Variants in HERPUD2 observed in about 807,000 individuals in gnomAD.
HERPUD2 encodes homocysteine-responsive endoplasmic reticulum-resident ubiquitin-like domain member 2 protein.
In HERPUD2, 13 loss-of-function variants were observed where a neutral mutation model predicts 49.9. That is an observed-to-expected ratio of 0.26 (90% CI 0.17 to 0.41). HERPUD2 has a LOEUF of 0.41. Ranked by LOEUF, HERPUD2 falls within the 10% of genes least tolerant of loss-of-function variation. HERPUD2 has a pLI of 1.00. For missense variants in HERPUD2, 449 were observed against 492.2 expected (o/e 0.91, Z 0.83); for synonymous variants, 172 against 171.4 (o/e 1.00, Z -0.03).
intron 7 of HERPUD2, 113 bp downstream of exon 7, chr7:35,635,022 A>G (rs1328125572): frequency 1.4e-6 from 1 of 719,298 alleles, no homozygotes; most frequent in Non-Finnish European, 2.2e-6. Flanking sequence ...AGATATCTAA[A>G]GCCCAGCATT....
At chr7:35,658,234 A>T (rs988789304) in intron 5 of HERPUD2, among the ~76,000 whole-genome samples, 3 of 152,160 alleles carry the variant, frequency 2.0e-5, no homozygotes, top group African/African-American at 7.2e-5. Context: ...GCCAGAAAAA[A>T]CACATATTTC....
At position 35,668,676 on chromosome 7, in the gene HERPUD2, A is replaced by C. The variant is rs1204889060; in HGVS notation, c.340-1088T>G. 1.9e-5 allele frequency: 3 copies of C among 154,562 alleles called. No homozygotes were observed. The East Asian group carries it at 5.8e-4, about 30-fold the overall frequency. 9.6% of individuals were successfully genotyped at this position (154,562 alleles called of 1,614,324 possible). A position where few individuals can be genotyped will look rare whatever the true frequency, so the allele number is the denominator to read the frequency against. On this transcript the variant is annotated intron_variant, in intron 4 of 8. Coordinates refer to ENST00000311350, the MANE Select transcript of HERPUD2 (RefSeq NM_022373.5). ...TTTGCAAGACTAACAAAAACTTTTA[A>C]AATGTTACTTCACACACAATAGATA...
chr7:35,638,329 A>G, intron 6 of HERPUD2, 21 bp downstream of exon 6: 2 of 1,566,174 alleles, frequency 1.3e-6, no homozygotes, highest in East Asian at 4.5e-5. Flanking sequence ...TAACTTAAAA[A>G]ATGAACTCAG....
intron 4 of HERPUD2, among the ~76,000 whole-genome samples, chr7:35,668,769 G>C (rs1427430350): frequency 2.0e-5 from 3 of 152,052 alleles, no homozygotes; most frequent in Non-Finnish European, 4.4e-5. Context: ...TTTTCAGCAA[G>C]ATTTCTCATT....
rs910708511 is a variant in HERPUD2, at chr7:35,633,209, G to C, written c.*481C>G. The C allele has an allele frequency of 3.0e-4, 46 of 152,074 alleles. No individual in the cohort carries two copies. The highest frequency in any genetic ancestry group is 1.1e-3 in the African/African-American group (44 of 41,354). 9.4% of individuals were successfully genotyped at this position (152,074 alleles called of 1,614,324 possible). ...AGCCCCCCAAGTAGCTGGGATTACA[G>C]GCGCGTGACACCACACCCGGCTAAT... On this transcript the variant is annotated 3_prime_UTR_variant, in exon 9 of 9. Transcript: ENST00000311350.
intron 2 of HERPUD2, among the ~76,000 whole-genome samples, chr7:35,674,070 T>C (rs1785698054): frequency 1.3e-5 from 2 of 152,104 alleles, no homozygotes; most frequent in Admixed American, 6.6e-5. Flanking sequence ...TCAGTAATTG[T>C]TAAATATGCC....
intron 2 of HERPUD2, among the ~76,000 whole-genome samples, chr7:35,677,471 A>G (rs1562684094): frequency 6.6e-6 from 1 of 152,154 alleles, no homozygotes; most frequent in Non-Finnish European, 1.5e-5. Flanking sequence ...CAATAAGGAG[A>G]TCATTAATGA....
chr7:35,656,396 T>C lies in HERPUD2; in HGVS notation c.494+11038A>G, dbSNP rs529299027. The stretch of plus-strand genomic sequence containing the variant: ...AGAGCTCATATCATTAAAATTACCA[T>C]ATTACCCAAAGCAATCTATAAATTC... On this transcript the variant is annotated intron_variant, in intron 5 of 8. Transcript: ENST00000311350. Among the ~76,000 whole-genome samples the C allele has an allele frequency of 5.3e-5, 8 of 152,172 alleles. No homozygotes were observed. The South Asian group carries it at 1.7e-3, about 32-fold the overall frequency.
intron 5 of HERPUD2, among the ~76,000 whole-genome samples, chr7:35,651,814 A>T (rs1261867302): frequency 1.3e-5 from 1 of 76,238 alleles, no homozygotes; most frequent in Non-Finnish European, 3.9e-5. Flanking sequence ...AAACAATATA[A>T]AAAAAAATCT....
chr7:35,642,059 T>C (rs1483599206), intron 5 of HERPUD2, among the ~76,000 whole-genome samples: 1 of 152,140 alleles, frequency 6.6e-6, no homozygotes, highest in Non-Finnish European at 1.5e-5. Context: ...ATTTGCAAAC[T>C]ATACATCAGA....
rs1785912185 is a variant in HERPUD2, at chr7:35,682,263, AT to A, written c.148-8986del. 1.3e-4 allele frequency among the ~76,000 whole-genome samples: 5 copies of A among 37,388 alleles called. 2 individuals are homozygous for A. Among genetic ancestry groups the A allele is most frequent in the African/African-American group, 2.9e-4 (3 of 10,412 alleles). The allele number at this position is 37,388 out of a possible 152,430, so 24.5% of individuals were successfully genotyped here. A position where few individuals can be genotyped will look rare whatever the true frequency, so the allele number is the denominator to read the frequency against. ...TACACATACACACGTGTGTGTGTGT[AT>A]ATATAGATATATACACATACACACG... On this transcript the variant is annotated intron_variant, in intron 2 of 8. Transcript: ENST00000311350.
chr7:35,648,801 G>T (rs1190358026), intron 5 of HERPUD2, among the ~76,000 whole-genome samples: 1 of 152,178 alleles, frequency 6.6e-6, no homozygotes, highest in Non-Finnish European at 1.5e-5. Context: ...CTGCACCAGT[G>T]ACTAAAAGAT....
intron 6 of HERPUD2, among the ~76,000 whole-genome samples, chr7:35,637,315 A>G (rs1168478345): frequency 6.6e-6 from 1 of 152,184 alleles, no homozygotes; most frequent in Non-Finnish European, 1.5e-5. Flanking sequence ...TGGGTGAAAC[A>G]TTGGAGGTAG....
intron 2 of HERPUD2, among the ~76,000 whole-genome samples, chr7:35,687,560 G>A (rs901909008): frequency 6.6e-6 from 1 of 152,214 alleles, no homozygotes; most frequent in African/African-American, 2.4e-5. Flanking sequence ...TGCTTAACTA[G>A]CTGGCCGAGA....
Position 35,694,617 on chromosome 7 carries a change from G to T in HERPUD2, c.-287C>A. ...TCCGGACTGTGGAGGCCGTCGTGAG[G>T]AGAAAGGAAGCTATACGAAGGAAGG... On this transcript the variant is annotated 5_prime_UTR_variant, in exon 2 of 9. Coordinates refer to ENST00000311350, the MANE Select transcript of HERPUD2 (RefSeq NM_022373.5). 4.7e-6 allele frequency: 2 copies of T among 429,590 alleles called. No homozygotes were observed. Among genetic ancestry groups the T allele is most frequent in the Non-Finnish European group, 8.6e-6 (2 of 231,914 alleles). 26.6% of individuals were successfully genotyped at this position (429,590 alleles called of 1,614,324 possible). A position where few individuals can be genotyped will look rare whatever the true frequency, so the allele number is the denominator to read the frequency against.
intron 2 of HERPUD2, among the ~76,000 whole-genome samples, chr7:35,678,009 G>C (rs141810990): frequency 2.6e-5 from 4 of 152,234 alleles, no homozygotes; most frequent in East Asian, 3.9e-4. Flanking sequence ...ACATAAACTA[G>C]AACAGAACAC....
At position 35,667,438 on chromosome 7, in the gene HERPUD2, G is replaced by C; in HGVS notation, c.490C>G (p.Gln164Glu). The change falls in exon 5 of 9, where the codon CAA (glutamine) becomes GAA (glutamate). Residue 164 changes from glutamine (Q) to glutamate (E), a missense_variant. Physicochemically the swap from Gln to Glu is conservative, Grantham distance 29. Transcript: ENST00000311350. ...AGCTACCACAATTTCACTTACCCTT[G>C]CATTACATATGGAAACTGGTGACTC... ...AQSHQFPYVM[Q>E]GNVDNQFPGQ... The C allele has an allele frequency of 6.2e-7, 1 of 1,612,144 alleles. No individual in the cohort carries two copies. Among genetic ancestry groups the C allele is most frequent in the Non-Finnish European group, 8.5e-7 (1 of 1,178,516 alleles).
At chr7:35,664,738 C>T (rs1178995508) in intron 5 of HERPUD2, among the ~76,000 whole-genome samples, 1 of 152,164 alleles carries the variant, frequency 6.6e-6, no homozygotes, top group African/African-American at 2.4e-5. Context: ...TTTTCAGCTC[C>T]ATCAGGTCAT....
At chr7:35,650,069 T>C (rs1248022908) in intron 5 of HERPUD2, among the ~76,000 whole-genome samples, 3 of 152,058 alleles carry the variant, frequency 2.0e-5, no homozygotes, top group Non-Finnish European at 4.4e-5. Context: ...TTTTAAAAAA[T>C]CAGACAATAG....
Sources: allele counts gnomAD v4.1 joint callset (sites outside exome capture counted in the v4.1 genomes callset), GRCh38; gene constraint gnomAD v4.1.1; transcripts MANE v1.5; gene names NCBI Gene and HGNC (gene_info 2026-07-23, HGNC 2026-07-21).